Variants in SZT2 observed in about 807,000 individuals in gnomAD.
SZT2 encodes the protein KICSTOR complex protein SZT2.
A neutral mutation model predicts 404.2 loss-of-function variants in SZT2; 216 were observed. The observed-to-expected ratio is 0.53, with a 90% CI of 0.48 to 0.60. SZT2 has a LOEUF of 0.60. Ranked by LOEUF, SZT2 falls within the 20% of genes least tolerant of loss-of-function variation. The pLI, the probability that SZT2 is intolerant of heterozygous loss-of-function variation, is 0.00. For missense variants in SZT2, 3,857 were observed against 4,459.2 expected (o/e 0.86, Z 3.85); for synonymous variants, 1,693 against 1,749.9 (o/e 0.97, Z 0.81).
Position 43,430,525 on chromosome 1 carries a change from G to A in SZT2, c.4510G>A (p.Glu1504Lys), listed in dbSNP as rs1653740474. The A allele has an allele frequency of 1.9e-6, 3 of 1,614,204 alleles. No individual in the cohort carries two copies. Among genetic ancestry groups the A allele is most frequent in the South Asian group, 1.1e-5 (1 of 91,070 alleles). Reference protein sequence around the residue: ...GDTSACCVVTESDPELEVEYR... With the variant: ...GDTSACCVVTKSDPELEVEYR... ...CACATCTGCCTGCTGTGTGGTCACT[G>A]AGAGTGACCCAGAGCTAGAGGTAGA... The change falls in exon 32 of 72, where the codon GAG (glutamate) becomes AAG (lysine). Residue 1504 changes from glutamate (E) to lysine (K), a missense_variant. This residue lies in a region of SZT2 where 1,725 missense variants were observed against 1,881.0 expected (regional missense o/e 0.92). Coordinates refer to ENST00000634258, the MANE Select transcript of SZT2 (RefSeq NM_001365999.1).
At chr1:43,400,598 G>A (rs1570554615) in intron 1 of SZT2, among the ~76,000 whole-genome samples, 2 of 152,198 alleles carry the variant, frequency 1.3e-5, no homozygotes, top group African/African-American at 4.8e-5. Context: ...TAGGGCAGGC[G>A]TGGTGGCTCA....
chr1:43,401,461 A>G (rs1294782563), intron 1 of SZT2, among the ~76,000 whole-genome samples: 1 of 152,066 alleles, frequency 6.6e-6, no homozygotes, highest in Non-Finnish European at 1.5e-5. Flanking sequence ...TGGCCTCTAC[A>G]GAGTACTTTT....
chr1:43,390,942 C>T (rs1648226753), intron 1 of SZT2, among the ~76,000 whole-genome samples: 1 of 152,232 alleles, frequency 6.6e-6, no homozygotes, highest in African/African-American at 2.4e-5. Context: ...TTACCAATAT[C>T]AGTTAATCCT....
chr1:43,442,297 G>A lies in SZT2; in HGVS notation c.7903G>A (p.Gly2635Arg). The change falls in exon 57 of 72, where the codon GGA (glycine) becomes AGA (arginine). Residue 2635 changes from glycine to arginine, a missense_variant. Physicochemically the swap from Gly to Arg is moderately radical, Grantham distance 125. Transcript: ENST00000634258. This position sits in a 1 kb window ranked among gnomAD's most constrained non-coding sequence, Gnocchi z 4.5. Reference sequence around the variant, plus strand: ...CAAAGCCATGCAGCGCTTCGAGCCAGGAGGTGATGGGAGCTCAGGGCGAAA... The same window carrying A: ...CAAAGCCATGCAGCGCTTCGAGCCAAGAGGTGATGGGAGCTCAGGGCGAAA... ...AAKAMQRFEP[G>R]GDGSSGRNAP... The A allele has an allele frequency of 6.2e-7, 1 of 1,614,130 alleles. No homozygotes were observed. Among genetic ancestry groups the A allele is most frequent in the Admixed American group, 1.7e-5 (1 of 60,014 alleles).
chr1:43,449,825 C>T (rs927527013), intron 70 of SZT2: 12 of 549,158 alleles, frequency 2.2e-5, no homozygotes, highest in African/African-American at 1.5e-4. Context: ...AGGGGTACAG[C>T]ACTCTCTGTT....
Position 43,454,072 on chromosome 1 carries a change from A to T in SZT2, c.*3592A>T, listed in dbSNP as rs1050413237. 52 of 1,118,198 alleles carry T rather than the reference A, an allele frequency of 4.7e-5. No individual in the cohort carries two copies. The highest frequency in any genetic ancestry group is 5.2e-5 in the Non-Finnish European group (48 of 916,114). 69.3% of individuals were successfully genotyped at this position (1,118,198 alleles called of 1,614,324 possible). ...GGAGAAGGTAGGGAGGCCGAGCTCC[A>T]GGGCCTGAGAGCCGGACGCGAAGCA... is the stretch of plus-strand genomic sequence containing the variant. On this transcript the variant is annotated 3_prime_UTR_variant, in exon 72 of 72. Transcript: ENST00000634258.
intron 26 of SZT2, 69 bp downstream of exon 26, chr1:43,427,803 C>G (rs951763920): frequency 1.7e-5 from 27 of 1,545,898 alleles, no homozygotes; most frequent in African/African-American, 6.8e-5. Context: ...TAAGTACACA[C>G]TAATAGGCGT....
rs988086515 is a variant in SZT2 at position 43,453,816 on chromosome 1, G to A, written c.*3336G>A. Reference sequence around the variant, plus strand: ...CATGCCTGGGGAGGCCGGGCCGGGCGGAGTCCGCGGGATCCAAAGGCGGCG... The same window carrying A: ...CATGCCTGGGGAGGCCGGGCCGGGCAGAGTCCGCGGGATCCAAAGGCGGCG... On this transcript the variant is annotated 3_prime_UTR_variant, in exon 72 of 72. Coordinates refer to ENST00000634258, the MANE Select transcript of SZT2 (RefSeq NM_001365999.1). 1.6e-6 allele frequency: 2 copies of A among 1,242,648 alleles called. No individual in the cohort carries two copies. The highest frequency in any genetic ancestry group is 1.6e-5 in the African/African-American group (1 of 62,772). The allele number at this position is 1,242,648 out of a possible 1,614,324, so 77.0% of individuals were successfully genotyped here.
chr1:43,421,321 A>G lies in SZT2; in HGVS notation c.1626+18A>G, dbSNP rs1468346787. 5 of 1,596,988 alleles carry G rather than the reference A, an allele frequency of 3.1e-6. No homozygotes were observed. Among genetic ancestry groups the G allele is most frequent in the Non-Finnish European group, 4.2e-6 (5 of 1,178,852 alleles). On this transcript the variant is annotated intron_variant, in intron 11 of 71. Coordinates refer to ENST00000634258, the MANE Select transcript of SZT2 (RefSeq NM_001365999.1). ...CCACCCCGGTGAGTAGCTCTGAAGT[A>G]TAGTAGCCCCATTTCATGTCAACTT...
rs1452439667 is a variant in SZT2 at position 43,442,798 on chromosome 1, T to C, written c.8152-21T>C. On this transcript the variant is annotated intron_variant, in intron 58 of 71. Transcript: ENST00000634258. This position sits in a 1 kb window ranked among gnomAD's most constrained non-coding sequence, Gnocchi z 4.5. The stretch of plus-strand genomic sequence containing the variant: ...TCCGAGGGCAAAGGCTATGAACCCA[T>C]TGCAATGCTCCATCTCTCAGGAGCC... 7 of 1,581,142 alleles carry C rather than the reference T, an allele frequency of 4.4e-6. No individual in the cohort carries two copies. The highest frequency in any genetic ancestry group is 4.5e-5 in the East Asian group (2 of 44,658).
Position 43,446,419 on chromosome 1 carries a change from ATG to A in SZT2, c.9072+6_9072+7del, listed in dbSNP as rs1557601340. ...TGGGGCAGGCTGTCAACTCACAGGT[ATG>A]TGAATGAGCTGCGGGCACAGTCAGT... On this transcript the variant is annotated splice_donor_5th_base_variant and intron_variant, in intron 65 of 71. Transcript: ENST00000634258. The A allele has an allele frequency of 6.2e-7, 1 of 1,614,142 alleles. No individual in the cohort carries two copies. Among genetic ancestry groups the A allele is most frequent in the South Asian group, 1.1e-5 (1 of 91,094 alleles).
chr1:43,446,776 T>A, intron 65 of SZT2, 179 bp from the exon 66 acceptor site: 1 of 664,406 alleles, frequency 1.5e-6, no homozygotes, highest in Non-Finnish European at 2.5e-6. Context: ...CAATACAGTA[T>A]GAAAAAGGGA....
Position 43,453,967 on chromosome 1 carries a change from A to G in SZT2, c.*3487A>G. 8.4e-7 allele frequency: 1 copy of G among 1,193,400 alleles called. No individual in the cohort carries two copies. The highest frequency in any genetic ancestry group is 1.0e-6 in the Non-Finnish European group (1 of 963,478). The allele number at this position is 1,193,400 out of a possible 1,614,324, so 73.9% of individuals were successfully genotyped here. A position where few individuals can be genotyped will look rare whatever the true frequency, so the allele number is the denominator to read the frequency against. On this transcript the variant is annotated 3_prime_UTR_variant, in exon 72 of 72. Coordinates refer to ENST00000634258, the MANE Select transcript of SZT2 (RefSeq NM_001365999.1). ...ACCCGGGCCTTCACGAAAAGCGCCT[A>G]CGGTTAGCGAGAGAGGGATCACGGG...
intron 62 of SZT2, among the ~76,000 whole-genome samples, chr1:43,444,571 G>A (rs375226262): frequency 6.6e-6 from 1 of 152,080 alleles, no homozygotes; most frequent in South Asian, 2.1e-4. Flanking sequence ...TCCTTGGCCT[G>A]TTCTTGGTCA....
At position 43,439,862 on chromosome 1, in the gene SZT2, G is replaced by T; in HGVS notation, c.7043-19G>T. On this transcript the variant is annotated intron_variant, in intron 50 of 71. Transcript: ENST00000634258. This position sits in a 1 kb window ranked among gnomAD's most constrained non-coding sequence, Gnocchi z 4.2. The stretch of plus-strand genomic sequence containing the variant: ...GTGGGATCTAGGGACACCCTCAAGT[G>T]TCCCTGTTCTCCTTCCAGCTCAGAA... The T allele has an allele frequency of 6.3e-7, 1 of 1,577,566 alleles. No individual in the cohort carries two copies. Among genetic ancestry groups the T allele is most frequent in the South Asian group, 1.2e-5 (1 of 83,524 alleles).
chr1:43,453,269 G>A lies in SZT2; in HGVS notation c.*2789G>A. ...TTTACAAAGGACCAGGACCGCAGAG[G>A]CAGAGATAAACCAGTGGGCTCAGAC... On this transcript the variant is annotated 3_prime_UTR_variant, in exon 72 of 72. Coordinates refer to ENST00000634258, the MANE Select transcript of SZT2 (RefSeq NM_001365999.1). 4.3e-6 allele frequency: 3 copies of A among 700,430 alleles called. No homozygotes were observed. The highest frequency in any genetic ancestry group is 7.2e-6 in the Non-Finnish European group (3 of 416,726). 43.4% of individuals were successfully genotyped at this position (700,430 alleles called of 1,614,324 possible).
intron 7 of SZT2, among the ~76,000 whole-genome samples, chr1:43,418,535 G>A (rs1407869095): frequency 6.6e-6 from 1 of 152,198 alleles, no homozygotes; most frequent in Non-Finnish European, 1.5e-5. Context: ...TTGGGAAGAA[G>A]GAACAGTATT....
rs1652557484 is a variant in SZT2, at chr1:43,422,756, CA to C, written c.1923-12del. On this transcript the variant is annotated splice_polypyrimidine_tract_variant and intron_variant, in intron 13 of 71. Transcript: ENST00000634258. ...CAACCTTGGGCTGCTCACTGACTCC[CA>C]TTTCTCCCCAGTGCCCCAGACCAGC... is the stretch of plus-strand genomic sequence containing the variant. 6.4e-7 allele frequency: 1 copy of C among 1,564,360 alleles called. No individual in the cohort carries two copies. Among genetic ancestry groups the C allele is most frequent in the Admixed American group, 1.8e-5 (1 of 56,212 alleles).
intron 1 of SZT2, among the ~76,000 whole-genome samples, chr1:43,401,369 C>A (rs1209778890): frequency 6.6e-6 from 1 of 152,226 alleles, no homozygotes; most frequent in African/African-American, 2.4e-5. Flanking sequence ...AGAGGTGATA[C>A]AACCTTTCCA....
Sources: allele counts gnomAD v4.1 joint callset (sites outside exome capture counted in the v4.1 genomes callset), GRCh38; gene constraint gnomAD v4.1.1; regional missense constraint gnomAD v4.1.1; non-coding constraint Gnocchi (gnomAD v3.1); transcripts MANE v1.5; gene names NCBI Gene and HGNC (gene_info 2026-07-23, HGNC 2026-07-21).